Variants in DPP6 observed in about 807,000 individuals in gnomAD.
DPP6 encodes the protein A-type potassium channel modulatory protein DPP6.
Under a neutral mutation model 122.6 loss-of-function variants are expected in DPP6, and 69 were observed. The ratio of observed to expected loss-of-function variants is 0.56; its 90% confidence interval spans 0.46 to 0.69. The LOEUF (loss-of-function observed/expected upper bound fraction) is 0.69. DPP6 is among the 30% of genes least tolerant of loss of function. DPP6 has a pLI of 0.00. For synonymous variants in DPP6, 418 were observed against 433.1 expected, an observed-to-expected ratio of 0.97 and a Z score of 0.43; for missense variants, 928 against 1,116.9, an observed-to-expected ratio of 0.83 and a Z score of 2.41.
In DPP6 at chr7:153,992,739, A is replaced by G. The variant is rs191847290; in HGVS notation, c.51+105005A>G. Among the ~76,000 whole-genome samples the G allele has an allele frequency of 4.7e-3, 713 of 152,274 alleles. 4 individuals carry two copies. The highest frequency in any genetic ancestry group is 0.016 in the African/African-American group (684 of 41,550). On this transcript the variant is annotated intron_variant, in intron 1 of 25. Transcript: ENST00000404039. ...CATCATCCTCACCCTCTTCTCCTAC[A>G]TGCAATTGACACTATGACTAAATGG... is the stretch of plus-strand genomic sequence containing the variant.
chr7:153,978,084 G>C (rs1190155401), intron 1 of DPP6, among the ~76,000 whole-genome samples: 1 of 152,174 alleles, frequency 6.6e-6, no homozygotes, highest in Non-Finnish European at 1.5e-5. Context: ...TGGGATTGCT[G>C]GGTCAAGTGA....
At chr7:154,592,667 C>T (rs370989263) in intron 5 of DPP6, among the ~76,000 whole-genome samples, 5 of 152,046 alleles carry the variant, frequency 3.3e-5, no homozygotes, top group South Asian at 4.1e-4. Context: ...GCCCAGCAGA[C>T]GCAGGACAAG....
In DPP6 at chr7:154,198,100, C is replaced by T. The variant is rs116921833; in HGVS notation, c.243+145037C>T. Among the ~76,000 whole-genome samples, 1,282 of 152,228 alleles carry T rather than the reference C, an allele frequency of 8.4e-3. 7 individuals carry two copies. The highest frequency in any genetic ancestry group is 0.029 in the South Asian group (142 of 4,820). On this transcript the variant is annotated intron_variant, in intron 1 of 25. Transcript: ENST00000377770. Reference sequence around the variant, plus strand: ...AGATGGCTGTAGATGTGCAAACTTACGATCATCCTGGAGCACGGGGCCCTG... The same window carrying T: ...AGATGGCTGTAGATGTGCAAACTTATGATCATCCTGGAGCACGGGGCCCTG...
At chr7:154,501,623 G>A (rs1369407368) in intron 3 of DPP6, among the ~76,000 whole-genome samples, 3 of 152,210 alleles carry the variant, frequency 2.0e-5, no homozygotes, top group Non-Finnish European at 2.9e-5. Flanking sequence ...CAAGAATTGG[G>A]GTTTGGGAAC....
At chr7:154,319,495 A>C (rs759125644) in intron 1 of DPP6, among the ~76,000 whole-genome samples, 1 of 152,010 alleles carries the variant, frequency 6.6e-6, no homozygotes, top group Non-Finnish European at 1.5e-5. Context: ...GGAGTTCAAG[A>C]CCAGCCTGGC....
At chr7:153,763,496 GA>G in the DPP6 span, among the ~76,000 whole-genome samples, 1 of 151,950 alleles carries the variant, frequency 6.6e-6, no homozygotes, top group Non-Finnish European at 1.5e-5. Flanking sequence ...GAATTTGTCA[GA>G]AAAATAGAGG....
chr7:154,341,406 T>C (rs1419033098), intron 1 of DPP6, among the ~76,000 whole-genome samples: 1 of 152,062 alleles, frequency 6.6e-6, no homozygotes, highest in Admixed American at 6.6e-5. Flanking sequence ...ATTCAGGTTT[T>C]AGAAATGAAA....
chr7:154,063,645 T>TG lies in DPP6; in HGVS notation c.243+10582_243+10583insG, dbSNP rs1251497450. 4.5e-5 allele frequency among the ~76,000 whole-genome samples: 6 copies of TG among 132,792 alleles called. 1 individual carries two copies. The highest frequency in any genetic ancestry group is 3.0e-4 in the Admixed American group (4 of 13,340). The allele number at this position is 132,792 out of a possible 152,430, so 87.1% of individuals were successfully genotyped here. ...GAGGCAGGGACTGAGAGCCACTCCC[T>TG]CTTCCCCCTCTGGCGCTTAGGACCC... On this transcript the variant is annotated intron_variant, in intron 1 of 25. Coordinates refer to ENST00000377770, the MANE Select transcript of DPP6 (RefSeq NM_130797.4).
intron 1 of DPP6, among the ~76,000 whole-genome samples, chr7:154,086,160 A>G (rs73165203): frequency 0.14 from 20,574 of 152,252 alleles, 1,826 homozygotes; most frequent in African/African-American, 0.26. Context: ...TTGGAATCCA[A>G]TGGATCTGAG....
chr7:154,751,111 A>G (rs1563169348), intron 8 of DPP6, among the ~76,000 whole-genome samples: 1 of 152,124 alleles, frequency 6.6e-6, no homozygotes, highest in African/African-American at 2.4e-5. Context: ...AGGCAGATGG[A>G]TGTGCTGGGA....
intron 1 of DPP6, among the ~76,000 whole-genome samples, chr7:153,893,763 A>T (rs956868539): frequency 6.6e-6 from 1 of 152,254 alleles, no homozygotes; most frequent in Non-Finnish European, 1.5e-5. Context: ...AATCTGAGGC[A>T]TACACAGACC....
intron 5 of DPP6, 127 bp downstream of exon 5, chr7:154,567,043 AG>A: frequency 1.4e-6 from 1 of 714,848 alleles, no homozygotes; most frequent in Non-Finnish European, 2.3e-6. Flanking sequence ...ACATCCTGGA[AG>A]TCTCTTTTGC....
At chr7:153,759,705 C>T in the DPP6 span, among the ~76,000 whole-genome samples, 2 of 151,936 alleles carry the variant, frequency 1.3e-5, no homozygotes, top group African/African-American at 2.4e-5. Context: ...TATCCTAACA[C>T]CATATGAAAA....
chr7:153,946,136 A>C (rs1801937399), intron 1 of DPP6, among the ~76,000 whole-genome samples: 1 of 152,218 alleles, frequency 6.6e-6, no homozygotes, highest in African/African-American at 2.4e-5. Context: ...CCTGAAGAGA[A>C]GGTTCTTGGA....
intron 1 of DPP6, among the ~76,000 whole-genome samples, chr7:154,074,112 G>T (rs55950717): frequency 1.2e-4 from 5 of 40,566 alleles, no homozygotes; most frequent in Non-Finnish European, 2.0e-4. Context: ...GAGATAGAGA[G>T]ATATATATAG....
intron 6 of DPP6, among the ~76,000 whole-genome samples, chr7:154,663,255 A>G (rs1323807774): frequency 4.8e-5 from 3 of 61,874 alleles, no homozygotes; most frequent in Non-Finnish European, 9.0e-5. Context: ...ACCATGGCGT[A>G]TTGGCCGTAG....
At chr7:154,233,459 T>C (rs1274823830) in intron 1 of DPP6, among the ~76,000 whole-genome samples, 2 of 152,202 alleles carry the variant, frequency 1.3e-5, no homozygotes, top group Non-Finnish European at 2.9e-5. Context: ...GGTGACTGTA[T>C]TTGACTAGGG....
chr7:154,762,869 C>T (rs1452060705), intron 8 of DPP6, among the ~76,000 whole-genome samples: 1 of 152,244 alleles, frequency 6.6e-6, no homozygotes, highest in Non-Finnish European at 1.5e-5. Flanking sequence ...CAACAGGAGG[C>T]TCCCAATGTG....
At chr7:154,591,501 C>G (rs6974839) in intron 5 of DPP6, among the ~76,000 whole-genome samples, 91,610 of 151,976 alleles carry the variant, frequency 0.6, 28,044 homozygotes, top group African/African-American at 0.7. Flanking sequence ...ATCATGATCC[C>G]AGGAGGACTT....
Sources: gnomAD v4.1 joint callset for allele counts (sites outside exome capture counted in the v4.1 genomes callset) on GRCh38, gnomAD v4.1.1 for gene constraint, MANE v1.5 for transcripts, NCBI Gene and HGNC (gene_info 2026-07-23, HGNC 2026-07-21) for gene names.